The following LHFPL1 variants were observed in gnomAD, a reference collection of about 807,000 sequenced individuals.
The protein encoded by LHFPL1 is LHFPL tetraspan subfamily member 1 protein.
A neutral mutation model predicts 12.1 loss-of-function variants in LHFPL1; 4 were observed. That is an observed-to-expected ratio of 0.33 (90% CI 0.16 to 0.76). The LOEUF is 0.76. Ranked by LOEUF, LHFPL1 falls within the 30% of genes least tolerant of loss-of-function variation. LHFPL1 has a pLI of 0.61. For missense variants in LHFPL1, 141 were observed against 174.1 expected (o/e 0.81, Z 1.07); for synonymous variants, 52 against 61.9 (o/e 0.84, Z 0.75).
In LHFPL1 at chrX:112,648,821, A is replaced by G. The variant is rs769903981; in HGVS notation, c.481+11806T>C. On this transcript the variant is annotated intron_variant, in intron 3 of 3. Transcript: ENST00000371968. The stretch of plus-strand genomic sequence containing the variant: ...GGACTCTGTGTTAGGTATAGAAGGT[A>G]TAAGTTGAAACATATTATTTTTATC... 6 of 111,994 alleles carry G rather than the reference A, an allele frequency of 5.4e-5. No individual in the cohort carries two copies. The East Asian group carries it at 1.7e-3, about 31-fold the overall frequency. 9.2% of individuals were successfully genotyped at this position (111,994 alleles called of 1,213,427 possible).
intron 3 of LHFPL1, among the ~76,000 whole-genome samples, chrX:112,657,241 G>T (rs1284712575): frequency 8.9e-6 from 1 of 112,041 alleles, no homozygotes; most frequent in Non-Finnish European, 1.9e-5. Context: ...CCAAATAAGT[G>T]AAAATGTTCT....
intron 3 of LHFPL1, among the ~76,000 whole-genome samples, chrX:112,652,392 A>G (rs899034661): frequency 8.9e-6 from 1 of 111,876 alleles, no homozygotes; most frequent in Admixed American, 9.5e-5. Context: ...AGGAGGTTGG[A>G]TTAGATTTAT....
intron 3 of LHFPL1, among the ~76,000 whole-genome samples, chrX:112,655,545 C>CT (rs1358495807): frequency 3.6e-5 from 4 of 111,433 alleles, no homozygotes; most frequent in Non-Finnish European, 7.5e-5. Flanking sequence ...GTGGTAAATC[C>CT]TTTTTACTTA....
At chrX:112,678,249 G>A (rs1206125717) in intron 1 of LHFPL1, among the ~76,000 whole-genome samples, 3 of 111,421 alleles carry the variant, frequency 2.7e-5, no homozygotes, top group Non-Finnish European at 5.7e-5. Flanking sequence ...AATTTCATAT[G>A]AGCTTCTCTC....
At chrX:112,633,215 C>A (rs1175587329) in intron 3 of LHFPL1, among the ~76,000 whole-genome samples, 2 of 112,029 alleles carry the variant, frequency 1.8e-5, no homozygotes, top group African/African-American at 3.2e-5. Context: ...ACTGTGGGTA[C>A]CATTTCAGTA....
intron 3 of LHFPL1, among the ~76,000 whole-genome samples, chrX:112,656,425 T>C (rs1328028854): frequency 6.3e-5 from 7 of 111,045 alleles, no homozygotes; most frequent in Admixed American, 3.8e-4. Flanking sequence ...TGCTTAATGA[T>C]GAAAAACTGG....
intron 3 of LHFPL1, among the ~76,000 whole-genome samples, chrX:112,639,731 C>T: frequency 1.8e-5 from 2 of 112,306 alleles, no homozygotes; most frequent in South Asian, 7.5e-4. Flanking sequence ...TGAGTTTTAG[C>T]TACTCTGCTC....
intron 3 of LHFPL1, among the ~76,000 whole-genome samples, chrX:112,638,124 T>C (rs1444045981): frequency 2.7e-5 from 3 of 111,992 alleles, no homozygotes. Flanking sequence ...ATTAGAAGAC[T>C]GGAGGGTGTT....
At chrX:112,654,267 C>A (rs767906512) in intron 3 of LHFPL1, among the ~76,000 whole-genome samples, 1 of 111,806 alleles carries the variant, frequency 8.9e-6, no homozygotes, top group East Asian at 2.8e-4. Flanking sequence ...TTCAATCATT[C>A]AACAAATATT....
At chrX:112,647,723 G>A (rs1930735546) in intron 3 of LHFPL1, among the ~76,000 whole-genome samples, 1 of 112,052 alleles carries the variant, frequency 8.9e-6, no homozygotes, top group Non-Finnish European at 1.9e-5. Context: ...TACACTGTTG[G>A]TGGGAGTGTA....
intron 3 of LHFPL1, among the ~76,000 whole-genome samples, chrX:112,648,882 T>C (rs1201622171): frequency 8.9e-6 from 1 of 111,882 alleles, no homozygotes; most frequent in African/African-American, 3.2e-5. Flanking sequence ...ACCTTGACAA[T>C]AGATTGACTC....
chrX:112,650,907 G>A (rs1024786165), intron 3 of LHFPL1, among the ~76,000 whole-genome samples: 7 of 112,034 alleles, frequency 6.2e-5, no homozygotes, highest in Non-Finnish European at 9.4e-5. Flanking sequence ...TTCCATCATT[G>A]CAAAAACTTC....
intron 3 of LHFPL1, among the ~76,000 whole-genome samples, chrX:112,636,182 G>A (rs761630122): frequency 1.2e-4 from 13 of 110,944 alleles, no homozygotes; most frequent in South Asian, 3.9e-4. Context: ...GATGTCCCCC[G>A]GTATGAGGGG....
chrX:112,671,660 A>G (rs1246582108), intron 1 of LHFPL1, among the ~76,000 whole-genome samples: 1 of 111,923 alleles, frequency 8.9e-6, no homozygotes, highest in African/African-American at 3.3e-5. Flanking sequence ...GCAATGGAGG[A>G]ACCAGATAAC....
At chrX:112,663,596 A>C (rs746706491) in intron 2 of LHFPL1, among the ~76,000 whole-genome samples, 1 of 112,150 alleles carries the variant, frequency 8.9e-6, no homozygotes, top group African/African-American at 3.2e-5. Flanking sequence ...TGAAACACAG[A>C]AAGGGAAAAT....
Position 112,650,763 on chromosome X carries a change from GATTA to G in LHFPL1, c.481+9860_481+9863del, listed in dbSNP as rs750716821. 6.3e-5 allele frequency among the ~76,000 whole-genome samples: 7 copies of G among 111,249 alleles called. No individual in the cohort carries two copies. The East Asian group carries it at 8.4e-4, about 13-fold the overall frequency. On this transcript the variant is annotated intron_variant, in intron 3 of 3. Coordinates refer to ENST00000371968, the MANE Select transcript of LHFPL1 (RefSeq NM_178175.4). ...TATTACACTTAATAAAATTACATCA[GATTA>G]ATTAATAAAATTAGATATTTATTTA...
At chrX:112,646,259 G>A (rs1388417630) in intron 3 of LHFPL1, among the ~76,000 whole-genome samples, 1 of 104,075 alleles carries the variant, frequency 9.6e-6, no homozygotes, top group Non-Finnish European at 2.0e-5. Context: ...GGACAGCAAG[G>A]GACCTGGAAG....
At chrX:112,672,282 T>C (rs992073160) in intron 1 of LHFPL1, among the ~76,000 whole-genome samples, 1 of 111,981 alleles carries the variant, frequency 8.9e-6, no homozygotes, top group African/African-American at 3.2e-5. Flanking sequence ...AGCAGGAACA[T>C]ATAGCTGTAA....
chrX:112,675,360 T>A (rs73536915), intron 1 of LHFPL1, among the ~76,000 whole-genome samples: 25,725 of 110,351 alleles, frequency 0.23, 4,753 homozygotes, highest in African/African-American at 0.63. Context: ...TGTAGTGCCG[T>A]GACTACAGTA....
Sources: allele counts gnomAD v4.1 joint callset (sites outside exome capture counted in the v4.1 genomes callset), GRCh38; gene constraint gnomAD v4.1.1; transcripts MANE v1.5; gene names NCBI Gene and HGNC (gene_info 2026-07-23, HGNC 2026-07-21).